Variants in CFAP54 observed in about 807,000 individuals in gnomAD.
The protein encoded by CFAP54 is cilia and flagella associated protein 54.
A neutral mutation model predicts 370.4 loss-of-function variants in CFAP54; 290 were observed. That is an observed-to-expected ratio of 0.78 (90% CI 0.71 to 0.86). The LOEUF (loss-of-function observed/expected upper bound fraction) is 0.86, where lower values mean the gene tolerates loss of function less well. Ranked by LOEUF, CFAP54 falls within the 40% of genes least tolerant of loss-of-function variation. The probability of loss-of-function intolerance (pLI) is 0.00; values close to 1 mark genes in which losing one functional copy is unlikely to be tolerated. For missense variants in CFAP54, 3,399 were observed against 3,528.7 expected (o/e 0.96, Z 0.93); for synonymous variants, 1,206 against 1,236.5 (o/e 0.98, Z 0.52).
chr12:96,599,477 A>G (rs1308257482), intron 26 of CFAP54, among the ~76,000 whole-genome samples: 3 of 152,152 alleles, frequency 2.0e-5, no homozygotes, highest in Admixed American at 2.0e-4. Flanking sequence ...ATACATGTGC[A>G]TGTGTCTTTA....
intron 62 of CFAP54, among the ~76,000 whole-genome samples, chr12:96,790,779 A>T (rs1359741276): frequency 2.6e-5 from 4 of 152,166 alleles, no homozygotes; most frequent in Non-Finnish European, 4.4e-5. Flanking sequence ...ATGCTTTTAG[A>T]AGCAAGGATT....
intron 45 of CFAP54, among the ~76,000 whole-genome samples, chr12:96,697,372 GA>G (rs1957448639): frequency 1.3e-5 from 2 of 152,122 alleles, no homozygotes; most frequent in South Asian, 4.1e-4. Flanking sequence ...CTAGAAACCT[GA>G]AAGAGTTTAT....
intron 66 of CFAP54, among the ~76,000 whole-genome samples, chr12:96,858,268 A>G (rs1055438175): frequency 6.6e-6 from 1 of 152,008 alleles, no homozygotes; most frequent in East Asian, 1.9e-4. Context: ...AGCTTTTACT[A>G]TATTCTTCTT....
chr12:96,693,150 C>T (rs190210228), intron 44 of CFAP54, among the ~76,000 whole-genome samples: 10 of 152,218 alleles, frequency 6.6e-5, no homozygotes, highest in Admixed American at 1.3e-4. Flanking sequence ...GTAGAATATA[C>T]GCTATGTGAA....
intron 15 of CFAP54, among the ~76,000 whole-genome samples, chr12:96,552,486 G>C (rs1160443116): frequency 1.3e-5 from 2 of 151,862 alleles, no homozygotes; most frequent in East Asian, 3.9e-4. Context: ...TGGGACTACA[G>C]GTCTGCACCA....
intron 26 of CFAP54, among the ~76,000 whole-genome samples, chr12:96,600,047 T>C (rs1194770104): frequency 6.6e-6 from 1 of 152,248 alleles, no homozygotes; most frequent in Non-Finnish European, 1.5e-5. Context: ...GCCATTGCTT[T>C]TGGTGTTTTA....
At chr12:96,840,261 C>G (rs929162803) in intron 66 of CFAP54, among the ~76,000 whole-genome samples, 4 of 152,204 alleles carry the variant, frequency 2.6e-5, no homozygotes, top group Non-Finnish European at 4.4e-5. Context: ...TAGGTGGATT[C>G]TCAAAGCAAC....
intron 66 of CFAP54, among the ~76,000 whole-genome samples, chr12:96,852,910 G>C (rs1381813407): frequency 6.6e-6 from 1 of 151,982 alleles, no homozygotes; most frequent in Non-Finnish European, 1.5e-5. Flanking sequence ...ATAGTATGGT[G>C]GTATATGACA....
At chr12:96,716,804 T>G (rs4762162) in intron 48 of CFAP54, among the ~76,000 whole-genome samples, 1 of 152,140 alleles carries the variant, frequency 6.6e-6, no homozygotes, top group Admixed American at 6.5e-5. Context: ...AAGACCGAAT[T>G]TAACTGCAAA....
chr12:96,567,399 TG>T (rs1272296122), intron 19 of CFAP54, among the ~76,000 whole-genome samples: 1 of 152,160 alleles, frequency 6.6e-6, no homozygotes, highest in African/African-American at 2.4e-5. Context: ...AAGTCTGTCC[TG>T]GGAGTATTAG....
intron 26 of CFAP54, among the ~76,000 whole-genome samples, chr12:96,605,547 C>T (rs1372454532): frequency 1.3e-5 from 2 of 152,192 alleles, no homozygotes; most frequent in African/African-American, 2.4e-5. Context: ...GACATCTAAA[C>T]CCACGAGAAG....
intron 26 of CFAP54, among the ~76,000 whole-genome samples, chr12:96,602,793 G>A (rs933714469): frequency 6.6e-6 from 1 of 151,160 alleles, no homozygotes; most frequent in African/African-American, 2.4e-5. Flanking sequence ...GCTTTTTTTT[G>A]CTTTCTGTTT....
chr12:96,617,708 C>T (rs1018396813), intron 26 of CFAP54, among the ~76,000 whole-genome samples: 25 of 152,086 alleles, frequency 1.6e-4, no homozygotes, highest in East Asian at 1.9e-4. Flanking sequence ...TATTTATCTG[C>T]GGGCGGGGCG....
At chr12:96,519,172 C>A in intron 6 of CFAP54, 101 bp downstream of exon 6, 3 of 1,164,402 alleles carry the variant, frequency 2.6e-6, no homozygotes, top group Non-Finnish European at 3.5e-6. Flanking sequence ...GATCTCGGCT[C>A]ACTGCAACGT....
At chr12:96,841,377 T>C (rs1432922961) in intron 66 of CFAP54, among the ~76,000 whole-genome samples, 1 of 152,256 alleles carries the variant, frequency 6.6e-6, no homozygotes, top group Non-Finnish European at 1.5e-5. Context: ...CTTTCCTTCA[T>C]TCAGTTTACC....
intron 37 of CFAP54, 47 bp downstream of exon 37, chr12:96,658,152 A>G: frequency 1.9e-6 from 3 of 1,582,696 alleles, no homozygotes; most frequent in Middle Eastern, 1.7e-4. Flanking sequence ...CTTCATTGAA[A>G]AAAAAAAAAG....
At chr12:96,828,001 A>T (rs1168685094) in intron 65 of CFAP54, among the ~76,000 whole-genome samples, 2 of 121,222 alleles carry the variant, frequency 1.6e-5, no homozygotes, top group East Asian at 4.3e-4. Flanking sequence ...GTTATATATA[A>T]TATATAATTA....
At chr12:96,693,383 A>G (rs1262002256) in intron 44 of CFAP54, among the ~76,000 whole-genome samples, 4 of 152,206 alleles carry the variant, frequency 2.6e-5, no homozygotes, top group Non-Finnish European at 4.4e-5. Context: ...CACAGGCCAC[A>G]GTGATTCATA....
At chr12:96,657,636 A>G (rs1956936595) in intron 36 of CFAP54, among the ~76,000 whole-genome samples, 1 of 152,234 alleles carries the variant, frequency 6.6e-6, no homozygotes, top group Admixed American at 6.5e-5. Flanking sequence ...TGGTAGCTGC[A>G]GGTTTCTAGT....
Sources: gnomAD v4.1 joint callset for allele counts (sites outside exome capture counted in the v4.1 genomes callset) on GRCh38, gnomAD v4.1.1 for gene constraint, MANE v1.5 for transcripts, NCBI Gene and HGNC (gene_info 2026-07-23, HGNC 2026-07-21) for gene names.